Variants in MTMR3 observed in about 807,000 individuals in gnomAD.
The protein encoded by MTMR3 is phosphatidylinositol-3,5-bisphosphate 3-phosphatase MTMR3.
A neutral mutation model predicts 132.4 loss-of-function variants in MTMR3; 32 were observed. The observed-to-expected ratio is 0.24, with a 90% CI of 0.18 to 0.32. The LOEUF is 0.32. MTMR3 is among the 10% of genes least tolerant of loss of function. MTMR3 has a pLI of 1.00. For synonymous variants in MTMR3, 556 were observed against 550.3 expected (o/e 1.01, Z -0.14); for missense variants, 1,216 against 1,489.6 (o/e 0.82, Z 3.02).
intron 2 of MTMR3, among the ~76,000 whole-genome samples, chr22:29,970,381 T>C (rs1281649681): frequency 6.6e-6 from 1 of 151,962 alleles, no homozygotes; most frequent in African/African-American, 2.4e-5. Context: ...TTGCCCAGAC[T>C]AGAGTGCAGT....
intron 1 of MTMR3, among the ~76,000 whole-genome samples, chr22:29,890,214 A>G (rs2064768853): frequency 6.6e-6 from 1 of 151,548 alleles, no homozygotes; most frequent in Non-Finnish European, 1.5e-5. Context: ...CCCAGGATAA[A>G]TTCTTAAAAG....
Position 29,978,530 on chromosome 22 carries a change from A to G in MTMR3, c.92A>G (p.Gln31Arg). 1 of 1,609,726 alleles carries G rather than the reference A, an allele frequency of 6.2e-7. No homozygotes were observed. Among genetic ancestry groups the G allele is most frequent in the East Asian group, 2.2e-5 (1 of 44,830 alleles). ...CTGATCCGGGAGGATGAGAATCTTC[A>G]GGTAATTATAGGCCACTTTTAAATG... ...KQLIREDENL[Q>R]VPFLELHGES... The change falls in exon 4 of 20, where the codon CAG becomes CGG. Residue 31 changes from glutamine (Q) to arginine (R), a missense_variant and splice_region_variant. By Grantham distance (43) the Gln-to-Arg change is conservative. This residue lies in a region of MTMR3 where 81 missense variants were observed against 87.7 expected (regional missense o/e 0.92). Coordinates refer to ENST00000401950, the MANE Select transcript of MTMR3 (RefSeq NM_021090.4).
intron 2 of MTMR3, among the ~76,000 whole-genome samples, chr22:29,958,275 T>G (rs2066240636): frequency 1.3e-5 from 2 of 152,206 alleles, no homozygotes; most frequent in Admixed American, 6.5e-5. Flanking sequence ...TTTAGGGAAC[T>G]GTAGTACAGT....
At chr22:29,951,953 G>T (rs1569021291) in intron 1 of MTMR3, among the ~76,000 whole-genome samples, 1 of 142,508 alleles carries the variant, frequency 7.0e-6, no homozygotes, top group Non-Finnish European at 1.5e-5. Flanking sequence ...GTAGTGGCTC[G>T]ATCATGGCTC....
chr22:29,943,055 T>A (rs946086801), intron 1 of MTMR3, among the ~76,000 whole-genome samples: 1 of 152,228 alleles, frequency 6.6e-6, no homozygotes, highest in Non-Finnish European at 1.5e-5. Flanking sequence ...AAGACAGGTG[T>A]AAGAAATTAT....
At chr22:29,967,083 AGTCTAGGGGCTTAGAAT>A (rs1213294226) in intron 2 of MTMR3, among the ~76,000 whole-genome samples, 4 of 152,030 alleles carry the variant, frequency 2.6e-5, no homozygotes, top group Non-Finnish European at 5.9e-5. Flanking sequence ...TAGGGACCAC[AGTCTAGGGGCTTAGAAT>A]GCTCATTGCT....
At chr22:29,998,658 A>G in intron 7 of MTMR3, 103 bp from the exon 8 acceptor site, 1 of 571,540 alleles carries the variant, frequency 1.7e-6, no homozygotes, top group South Asian at 2.9e-5. Context: ...ATATATATAT[A>G]TTTACATATA....
chr22:29,965,967 ATTC>A (rs924553038), intron 2 of MTMR3, among the ~76,000 whole-genome samples: 1 of 151,044 alleles, frequency 6.6e-6, no homozygotes, highest in Non-Finnish European at 1.5e-5. Context: ...CTTTAAATTA[ATTC>A]TTCAATAACT....
intron 14 of MTMR3, chr22:30,015,054 GCTT>G (rs1426277157): frequency 6.6e-6 from 1 of 151,908 alleles, no homozygotes; most frequent in African/African-American, 2.4e-5. Flanking sequence ...AAAACTTGAT[GCTT>G]CTTTTTGGAG....
intron 1 of MTMR3, among the ~76,000 whole-genome samples, chr22:29,897,552 A>G (rs534714051): frequency 2.1e-4 from 32 of 151,898 alleles, no homozygotes; most frequent in African/African-American, 7.3e-4. Context: ...TCCCAGGTTC[A>G]AGTGATTCTT....
chr22:29,937,869 A>G (rs1407341240), intron 1 of MTMR3, among the ~76,000 whole-genome samples: 2 of 152,228 alleles, frequency 1.3e-5, no homozygotes, highest in African/African-American at 4.8e-5. Flanking sequence ...CTAATTTGGC[A>G]TCAGTCTGTA....
chr22:29,957,839 A>G (rs1368237633), intron 2 of MTMR3, among the ~76,000 whole-genome samples: 1 of 152,186 alleles, frequency 6.6e-6, no homozygotes, highest in East Asian at 1.9e-4. Context: ...CTAAAATATC[A>G]AGAGAGCAAG....
Position 29,994,818 on chromosome 22 carries a change from C to G in MTMR3, c.460+3148C>G, listed in dbSNP as rs1377084308. The G allele has an allele frequency of 3.3e-5, 5 of 152,232 alleles. No homozygotes were observed. In the East Asian group the frequency reaches 7.7e-4, roughly 23 times the overall value. 9.4% of individuals were successfully genotyped at this position (152,232 alleles called of 1,614,324 possible). ...AGTTAAGCCGGCTGTACTGTGGTCA[C>G]AGCTCTAAGGCTTAATCAGCTTTGG... On this transcript the variant is annotated intron_variant, in intron 7 of 19. Transcript: ENST00000401950.
At chr22:29,983,299 A>C (rs1343695217) in intron 5 of MTMR3, 1 of 152,242 alleles carries the variant, frequency 6.6e-6, no homozygotes, top group Non-Finnish European at 1.5e-5. Context: ...TTGTAAAATC[A>C]ACACTAGTTT....
chr22:30,019,784 A>G lies in MTMR3; in HGVS notation c.2125A>G (p.Arg709Gly), dbSNP rs1480415229. The change falls in exon 17 of 20, where the codon AGG becomes GGG. Residue 709 changes from arginine (R) to glycine (G), a missense_variant. This residue lies in a region of MTMR3 where 852 missense variants were observed against 852.0 expected (regional missense o/e 1.00). Coordinates refer to ENST00000401950, the MANE Select transcript of MTMR3 (RefSeq NM_021090.4). Reference sequence around the variant, plus strand: ...GAGTGGAGTAGAGGAACCTGCCCACAGGGCAGGCATTGAGATACAGGAGGG... The same window carrying G: ...GAGTGGAGTAGAGGAACCTGCCCACGGGGCAGGCATTGAGATACAGGAGGG... ...EESGVEEPAH[R>G]AGIEIQEGKE... is the part of the protein sequence containing the mutation. The G allele has an allele frequency of 6.2e-7, 1 of 1,614,206 alleles. No individual in the cohort carries two copies. Among genetic ancestry groups the G allele is most frequent in the South Asian group, 1.1e-5 (1 of 91,090 alleles).
chr22:29,883,187 G>C lies in MTMR3; in HGVS notation c.-310G>C, dbSNP rs904076253. On this transcript the variant is annotated 5_prime_UTR_variant, in exon 1 of 20. Transcript: ENST00000401950. ...CGTCGGGAGCGCGCTCTGTGTGGCC[G>C]CTGCCGCCATGTTGTTGTGGTTGTG... is the stretch of plus-strand genomic sequence containing the variant. 1 of 152,248 alleles carries C rather than the reference G, an allele frequency of 6.6e-6. No homozygotes were observed. The highest frequency in any genetic ancestry group is 2.4e-5 in the African/African-American group (1 of 41,452). 9.4% of individuals were successfully genotyped at this position (152,248 alleles called of 1,614,324 possible).
chr22:29,905,685 C>T (rs984275372), intron 1 of MTMR3, among the ~76,000 whole-genome samples: 2 of 152,066 alleles, frequency 1.3e-5, no homozygotes, highest in African/African-American at 2.4e-5. Flanking sequence ...AATATCTTGC[C>T]TTTAATATAA....
chr22:30,020,528 C>T lies in MTMR3; in HGVS notation c.2869C>T (p.His957Tyr). The T allele has an allele frequency of 6.2e-7, 1 of 1,614,212 alleles. No individual in the cohort carries two copies. Among genetic ancestry groups the T allele is most frequent in the South Asian group, 1.1e-5 (1 of 91,086 alleles). ...CCAGATGTACCCCACACCCAATGGG[C>T]ATTGCGCCAATGGGGAGGCTGGTAG... Reference protein sequence around the residue: ...TLQMYPTPNGHCANGEAGRSK... With the variant: ...TLQMYPTPNGYCANGEAGRSK... The change falls in exon 17 of 20, where the codon CAT becomes TAT. Residue 957 changes from histidine (H) to tyrosine (Y), a missense_variant. Physicochemically the swap from His to Tyr is moderately conservative, Grantham distance 83. Transcript: ENST00000401950.
At chr22:30,004,712 G>A (rs3788425) in intron 9 of MTMR3, 15,436 of 152,242 alleles carry the variant, frequency 0.1, 808 homozygotes, top group Middle Eastern at 0.14. Flanking sequence ...GTCTTGTATC[G>A]CTGAGATGCA....
Sources: allele counts gnomAD v4.1 joint callset (sites outside exome capture counted in the v4.1 genomes callset), GRCh38; gene constraint gnomAD v4.1.1; regional missense constraint gnomAD v4.1.1; transcripts MANE v1.5; gene names NCBI Gene and HGNC (gene_info 2026-07-23, HGNC 2026-07-21).